Variants in MAD1L1 observed in about 807,000 individuals in gnomAD.
The protein encoded by MAD1L1 is mitotic arrest deficient 1 like 1.
In MAD1L1, 95 loss-of-function variants were observed where a neutral mutation model predicts 96.9. The ratio of observed to expected loss-of-function variants is 0.98; its 90% CI spans 0.83 to 1.16. The LOEUF (loss-of-function observed/expected upper bound fraction) is 1.16, where lower values mean the gene tolerates loss of function less well. Among genes scored for constraint, MAD1L1 ranks in the 50% most tolerant of loss-of-function variants. The pLI is 0.00. For missense variants in MAD1L1, 1,007 were observed against 954.4 expected (o/e 1.06, Z -0.73); for synonymous variants, 473 against 396.6 (o/e 1.19, Z -2.29).
intron 14 of MAD1L1, among the ~76,000 whole-genome samples, chr7:1,996,995 G>A (rs994243742): frequency 2.0e-5 from 3 of 152,160 alleles, no homozygotes; most frequent in Non-Finnish European, 2.9e-5. Context: ...AGCCACTGCG[G>A]GCCTAGCTAA....
chr7:2,123,234 A>C (rs1239826831), intron 11 of MAD1L1, among the ~76,000 whole-genome samples: 7 of 147,616 alleles, frequency 4.7e-5, no homozygotes, highest in Non-Finnish European at 1.0e-4. Context: ...GAACCCGGAA[A>C]GCGGAGCTTG....
chr7:1,883,789 C>G (rs1180223098), intron 18 of MAD1L1, among the ~76,000 whole-genome samples: 2 of 152,226 alleles, frequency 1.3e-5, no homozygotes, highest in East Asian at 3.8e-4. Flanking sequence ...CCATGTGTCT[C>G]TATTACCCAG....
Position 1,895,631 on chromosome 7 carries a change from G to A in MAD1L1, c.1998+2569C>T, listed in dbSNP as rs76427102. Among the ~76,000 whole-genome samples the A allele has an allele frequency of 3.6e-3, 543 of 152,368 alleles. 21 individuals carry two copies. The East Asian group carries it at 0.094, about 27-fold the overall frequency. On this transcript the variant is annotated intron_variant, in intron 18 of 18. Coordinates refer to ENST00000265854, the MANE Select transcript of MAD1L1 (RefSeq NM_001013836.2). ...ACACTGTCCACCTGAGCCAGCCCCCGGAACACGGCCCAGAGCAGGCATGGT... is the reference window on the plus strand; with the variant it reads ...ACACTGTCCACCTGAGCCAGCCCCCAGAACACGGCCCAGAGCAGGCATGGT...
At chr7:1,870,723 C>T (rs1370843465) in intron 18 of MAD1L1, among the ~76,000 whole-genome samples, 3 of 143,884 alleles carry the variant, frequency 2.1e-5, no homozygotes, top group Non-Finnish European at 3.0e-5. Flanking sequence ...CTGAACCCAC[C>T]GTAACACCTG....
In MAD1L1 at chr7:2,054,446, A is replaced by G. The variant is rs899211006; in HGVS notation, c.1218+14748T>C. 2.6e-5 allele frequency among the ~76,000 whole-genome samples: 4 copies of G among 152,000 alleles called. No homozygotes were observed. The East Asian group carries it at 7.8e-4, about 30-fold the overall frequency. On this transcript the variant is annotated intron_variant, in intron 12 of 18. Transcript: ENST00000265854. ...TTCCTAAAATTGCTTTTCTCCCTGG[A>G]ATTTTTTTCTGCCACAGCCAGGTCC... is the stretch of plus-strand genomic sequence containing the variant.
chr7:1,951,857 G>A (rs140979809), intron 16 of MAD1L1, among the ~76,000 whole-genome samples: 55 of 152,278 alleles, frequency 3.6e-4, no homozygotes, highest in African/African-American at 1.3e-3. Flanking sequence ...AGACGCTGGG[G>A]TGCGCTCACC....
chr7:1,926,598 T>C (rs1386336816), intron 17 of MAD1L1, among the ~76,000 whole-genome samples: 1 of 152,100 alleles, frequency 6.6e-6, no homozygotes, highest in Non-Finnish European at 1.5e-5. Flanking sequence ...AATGACACAC[T>C]GTCAATCACA....
At chr7:1,922,969 C>T (rs759946364) in intron 17 of MAD1L1, among the ~76,000 whole-genome samples, 1 of 152,326 alleles carries the variant, frequency 6.6e-6, no homozygotes, top group South Asian at 2.1e-4. Context: ...CAGAAAATAG[C>T]CCCGCAGTGT....
intron 12 of MAD1L1, among the ~76,000 whole-genome samples, chr7:2,015,006 T>C (rs1782473159): frequency 6.6e-6 from 1 of 152,192 alleles, no homozygotes. Context: ...GGGCGCACAG[T>C]GGGCAGAAGC....
At chr7:2,079,824 A>G (rs1562666834) in intron 11 of MAD1L1, 2 of 460,784 alleles carry the variant, frequency 4.3e-6, no homozygotes, top group East Asian at 1.4e-4. Context: ...AACTGCAGAG[A>G]CAAGGGGGCA....
chr7:1,894,323 T>C (rs1786732095), intron 18 of MAD1L1, among the ~76,000 whole-genome samples: 1 of 152,102 alleles, frequency 6.6e-6, no homozygotes, highest in Non-Finnish European at 1.5e-5. Context: ...CAGGGAGCCT[T>C]TGAAAGCTCC....
intron 4 of MAD1L1, 58 bp from the exon 5 acceptor site, chr7:2,222,812 G>C (rs1793681619): frequency 7.2e-7 from 1 of 1,385,462 alleles, no homozygotes; most frequent in Non-Finnish European, 9.8e-7. Flanking sequence ...TCAGCGGGGA[G>C]CCCTCACCCC....
chr7:1,841,797 T>C (rs34043991), intron 18 of MAD1L1, among the ~76,000 whole-genome samples: 65,636 of 152,074 alleles, frequency 0.43, 14,554 homozygotes, highest in African/African-American at 0.51. Context: ...ACCTGTGAAA[T>C]GGGGAGACCC....
chr7:2,055,431 G>C (rs1019489037), intron 12 of MAD1L1, among the ~76,000 whole-genome samples: 6 of 152,234 alleles, frequency 3.9e-5, no homozygotes, highest in Admixed American at 3.9e-4. Flanking sequence ...GCGCCACCAG[G>C]GAACCGGTGA....
At chr7:1,887,406 TG>T (rs1786131369) in intron 18 of MAD1L1, among the ~76,000 whole-genome samples, 1 of 80,830 alleles carries the variant, frequency 1.2e-5, no homozygotes, top group Non-Finnish European at 2.3e-5. Context: ...TGTGGCTGCC[TG>T]TGCATGTGTG....
chr7:1,862,633 C>T (rs886165077), intron 18 of MAD1L1, among the ~76,000 whole-genome samples: 4 of 152,248 alleles, frequency 2.6e-5, no homozygotes, highest in Admixed American at 2.0e-4. Context: ...CCTGGCCGGT[C>T]CAGCAAGTGG....
At position 1,892,930 on chromosome 7, in the gene MAD1L1, C is replaced by T. The variant is rs558080421; in HGVS notation, c.1998+5270G>A. Among the ~76,000 whole-genome samples, 12 of 152,332 alleles carry T rather than the reference C, an allele frequency of 7.9e-5. No homozygotes were observed. In the South Asian group the frequency reaches 2.5e-3, roughly 32 times the overall value. Reference sequence around the variant, plus strand: ...TTCTTACCACTGATTTTCTCCCTCTCGTAACAGAAGGCTTCCTTCCCTGGG... The same window carrying T: ...TTCTTACCACTGATTTTCTCCCTCTTGTAACAGAAGGCTTCCTTCCCTGGG... On this transcript the variant is annotated intron_variant, in intron 18 of 18. Transcript: ENST00000265854.
intron 18 of MAD1L1, among the ~76,000 whole-genome samples, chr7:1,888,158 G>A (rs1365520453): frequency 2.7e-5 from 4 of 150,902 alleles, no homozygotes; most frequent in Non-Finnish European, 5.9e-5. Flanking sequence ...GCATGTGTGT[G>A]CATGTGTGCA....
intron 16 of MAD1L1, among the ~76,000 whole-genome samples, chr7:1,952,931 C>T (rs1440513145): frequency 6.6e-6 from 1 of 152,222 alleles, no homozygotes; most frequent in Admixed American, 6.5e-5. Context: ...GAGCACCCGC[C>T]GGGAGGCCCC....
Sources: gnomAD v4.1 joint callset for allele counts (sites outside exome capture counted in the v4.1 genomes callset) on GRCh38, gnomAD v4.1.1 for gene constraint, MANE v1.5 for transcripts, NCBI Gene and HGNC (gene_info 2026-07-23, HGNC 2026-07-21) for gene names.